Variants in CSMD3 observed in about 807,000 individuals in gnomAD.
CSMD3 encodes CUB and sushi domain-containing protein 3.
In CSMD3, 177 loss-of-function variants were observed where a neutral mutation model predicts 435.2. The ratio of observed to expected loss-of-function variants is 0.41; its 90% CI spans 0.36 to 0.46. The LOEUF is 0.46. Among genes scored for constraint, CSMD3 ranks in the 20% least tolerant of loss-of-function variants. CSMD3 has a pLI of 0.34. For synonymous variants in CSMD3, 1,656 were observed against 1,520.5 expected, an observed-to-expected ratio of 1.09 and a Z score of -2.07; for missense variants, 4,265 against 4,504.6, an observed-to-expected ratio of 0.95 and a Z score of 1.52.
intron 13 of CSMD3, among the ~76,000 whole-genome samples, chr8:112,764,226 G>T (rs2077918561): frequency 1.3e-5 from 2 of 151,270 alleles, no homozygotes; most frequent in Admixed American, 6.6e-5. Flanking sequence ...GAGATGTAAA[G>T]GTTTTATTCA....
At chr8:112,337,436 C>G (rs16883458) in intron 43 of CSMD3, 107 bp downstream of exon 43, 29,306 of 844,370 alleles carry the variant, frequency 0.035, 942 homozygotes, top group East Asian at 0.12. Flanking sequence ...AGCTGAGAGA[C>G]TATATATTTA....
At chr8:112,702,642 G>A (rs561463236) in intron 13 of CSMD3, among the ~76,000 whole-genome samples, 12 of 152,154 alleles carry the variant, frequency 7.9e-5, no homozygotes, top group Admixed American at 2.6e-4. Flanking sequence ...AGGACCCTAT[G>A]CTCTCAGGCT....
chr8:113,085,937 C>T (rs1411275089), intron 5 of CSMD3, among the ~76,000 whole-genome samples: 1 of 151,940 alleles, frequency 6.6e-6, no homozygotes, highest in African/African-American at 2.4e-5. Flanking sequence ...TTGAATGTTC[C>T]CAATAAAAAG....
At chr8:113,250,384 G>T (rs1455563190) in intron 3 of CSMD3, among the ~76,000 whole-genome samples, 1 of 152,120 alleles carries the variant, frequency 6.6e-6, no homozygotes, top group Non-Finnish European at 1.5e-5. Context: ...AGGGAGTGTA[G>T]CTCTCTCAAG....
At chr8:113,064,488 AAATT>A (rs1236569234) in intron 5 of CSMD3, among the ~76,000 whole-genome samples, 1 of 152,160 alleles carries the variant, frequency 6.6e-6, no homozygotes, top group African/African-American at 2.4e-5. Flanking sequence ...AGGACTTTTT[AAATT>A]AATTCATTTA....
At chr8:112,870,444 A>G (rs1328302543) in intron 10 of CSMD3, among the ~76,000 whole-genome samples, 2 of 142,228 alleles carry the variant, frequency 1.4e-5, no homozygotes, top group Non-Finnish European at 3.1e-5. Flanking sequence ...AATTTTTTGC[A>G]TTTTTTTTTT....
intron 22 of CSMD3, among the ~76,000 whole-genome samples, chr8:112,632,723 A>T (rs1309764589): frequency 6.6e-6 from 1 of 152,092 alleles, no homozygotes; most frequent in Non-Finnish European, 1.5e-5. Context: ...AAACTTTAGA[A>T]AAAGAAATCA....
intron 3 of CSMD3, among the ~76,000 whole-genome samples, chr8:113,243,783 A>G (rs2093245846): frequency 6.6e-6 from 1 of 152,106 alleles, no homozygotes; most frequent in Non-Finnish European, 1.5e-5. Context: ...ACTATTGTGT[A>G]TCTTCTTGAT....
chr8:112,982,213 C>A (rs1266466745), intron 6 of CSMD3, among the ~76,000 whole-genome samples: 2 of 151,912 alleles, frequency 1.3e-5, no homozygotes, highest in East Asian at 3.9e-4. Context: ...TGCAAATCCA[C>A]AAAAACACAC....
chr8:113,411,852 ATCT>A (rs1252572587), intron 1 of CSMD3, among the ~76,000 whole-genome samples: 5 of 152,248 alleles, frequency 3.3e-5, no homozygotes, highest in East Asian at 3.9e-4. Context: ...TGATGGAAAA[ATCT>A]TCTTTTTAAA....
chr8:112,452,806 T>C (rs1239353869), intron 32 of CSMD3, among the ~76,000 whole-genome samples: 1 of 152,154 alleles, frequency 6.6e-6, no homozygotes, highest in Non-Finnish European at 1.5e-5. Context: ...ACTCCATCCT[T>C]CTCTGCAAAT....
chr8:113,430,004 G>A (rs1049341412), intron 1 of CSMD3, among the ~76,000 whole-genome samples: 31 of 152,296 alleles, frequency 2.0e-4, no homozygotes, highest in African/African-American at 7.5e-4. Flanking sequence ...TGCAGGGGAT[G>A]AAATCAGCAC....
intron 21 of CSMD3, among the ~76,000 whole-genome samples, chr8:112,637,366 A>G (rs2074691232): frequency 6.6e-6 from 1 of 151,254 alleles, no homozygotes; most frequent in African/African-American, 2.4e-5. Context: ...AACACAAAAT[A>G]ACATTTGAAA....
chr8:113,012,561 A>G (rs183604610), intron 6 of CSMD3, among the ~76,000 whole-genome samples: 62 of 152,120 alleles, frequency 4.1e-4, no homozygotes, highest in African/African-American at 1.4e-3. Context: ...AATTCTCAGA[A>G]GAGCTGATGG....
chr8:113,310,735 A>G (rs2093861468), intron 2 of CSMD3: 1 of 151,928 alleles, frequency 6.6e-6, no homozygotes, highest in African/African-American at 2.4e-5. Context: ...AGTAATATAA[A>G]GAATATTATT....
At chr8:112,873,149 C>G (rs2081183900) in intron 10 of CSMD3, among the ~76,000 whole-genome samples, 1 of 151,936 alleles carries the variant, frequency 6.6e-6, no homozygotes, top group Non-Finnish European at 1.5e-5. Context: ...GAAGTTGGAA[C>G]AATGTCTACT....
intron 15 of CSMD3, among the ~76,000 whole-genome samples, chr8:112,683,731 T>C (rs1173382787): frequency 2.0e-5 from 3 of 151,978 alleles, no homozygotes; most frequent in African/African-American, 7.2e-5. Flanking sequence ...CTTATTATTA[T>C]ATTCATACTG....
chr8:112,975,254 C>T (rs1027442611), intron 7 of CSMD3, among the ~76,000 whole-genome samples: 1 of 152,056 alleles, frequency 6.6e-6, no homozygotes, highest in Admixed American at 6.6e-5. Context: ...CAATGAATAG[C>T]TGTTACCTTT....
chr8:113,262,434 C>T (rs2093434708), intron 3 of CSMD3, among the ~76,000 whole-genome samples: 1 of 151,966 alleles, frequency 6.6e-6, no homozygotes, highest in Non-Finnish European at 1.5e-5. Flanking sequence ...CCACTATTGG[C>T]TCCAAGATTT....
Sources: allele counts gnomAD v4.1 joint callset (sites outside exome capture counted in the v4.1 genomes callset), GRCh38; gene constraint gnomAD v4.1.1; transcripts MANE v1.5; gene names NCBI Gene and HGNC (gene_info 2026-07-23, HGNC 2026-07-21).